UGT1A7: variants seen among roughly 807,000 people sequenced by gnomAD.
UGT1A7 encodes UDP glucuronosyltransferase family 1 member A7.
UGT1A7 carries 33 observed loss-of-function variants against 45.6 expected under a neutral mutation model. That is an observed-to-expected ratio of 0.72 (90% CI 0.55 to 0.97). The LOEUF is 0.97. UGT1A7 is among the 50% of genes least tolerant of loss of function. The pLI is 0.00. For synonymous variants in UGT1A7, 274 were observed against 250.6 expected, an observed-to-expected ratio of 1.09 and a Z score of -0.88; for missense variants, 684 against 666.2, an observed-to-expected ratio of 1.03 and a Z score of -0.29.
chr2:233,770,833 T>C (rs1328938186), intron 4 of UGT1A7: 1 of 152,206 alleles, frequency 6.6e-6, no homozygotes, highest in Non-Finnish European at 1.5e-5. Context: ...TGCATTGCTG[T>C]AAAGAAATAC....
intron 1 of UGT1A7, among the ~76,000 whole-genome samples, chr2:233,759,051 G>A (rs1697047727): frequency 6.6e-6 from 1 of 152,170 alleles, no homozygotes; most frequent in Non-Finnish European, 1.5e-5. Context: ...GTGAACAAAA[G>A]TTCTCTGAAA....
intron 1 of UGT1A7, chr2:233,712,893 T>G (rs2076259922): frequency 6.2e-7 from 1 of 1,605,864 alleles, no homozygotes; most frequent in East Asian, 2.2e-5. Flanking sequence ...ACATGTTGAT[T>G]TGCTAGGTGT....
At chr2:233,715,656 C>T (rs1272409868) in intron 1 of UGT1A7, among the ~76,000 whole-genome samples, 1 of 152,072 alleles carries the variant, frequency 6.6e-6, no homozygotes, top group Non-Finnish European at 1.5e-5. Context: ...CCTGTGGTCC[C>T]AGCTACTCGG....
chr2:233,711,999 G>A (rs746507163), intron 1 of UGT1A7, among the ~76,000 whole-genome samples: 2 of 152,198 alleles, frequency 1.3e-5, no homozygotes, highest in Non-Finnish European at 2.9e-5. Context: ...ATTCTGTTCT[G>A]GAGGAACCAT....
At chr2:233,715,060 A>AT (rs2076430472) in intron 1 of UGT1A7, among the ~76,000 whole-genome samples, 2 of 151,556 alleles carry the variant, frequency 1.3e-5, no homozygotes, top group African/African-American at 2.4e-5. Context: ...TTTTTTTTGT[A>AT]TTTTTTATGG....
intron 1 of UGT1A7, among the ~76,000 whole-genome samples, chr2:233,684,869 T>C (rs1424684348): frequency 6.6e-6 from 1 of 152,196 alleles, no homozygotes; most frequent in Non-Finnish European, 1.5e-5. Context: ...TCTTGTTTCA[T>C]ATGGGCAGGG....
At chr2:233,751,021 C>A (rs74787288) in intron 1 of UGT1A7, among the ~76,000 whole-genome samples, 1 of 151,772 alleles carries the variant, frequency 6.6e-6, no homozygotes, top group East Asian at 1.9e-4. Flanking sequence ...AATAGTAGAT[C>A]CAATAGCTTG....
intron 1 of UGT1A7, among the ~76,000 whole-genome samples, chr2:233,756,690 C>T (rs1266086020): frequency 6.6e-6 from 1 of 152,102 alleles, no homozygotes; most frequent in Non-Finnish European, 1.5e-5. Flanking sequence ...TATATAATGA[C>T]GATGAATTTT....
At chr2:233,751,583 A>G (rs1290710025) in intron 1 of UGT1A7, among the ~76,000 whole-genome samples, 1 of 152,192 alleles carries the variant, frequency 6.6e-6, no homozygotes, top group Non-Finnish European at 1.5e-5. Flanking sequence ...CATAATTCCC[A>G]TGTGTTAAGG....
At chr2:233,713,495 T>C (rs1332210670) in intron 1 of UGT1A7, 2 of 1,614,050 alleles carry the variant, frequency 1.2e-6, no homozygotes, top group African/African-American at 1.3e-5. Context: ...TGTCGATTCC[T>C]GCTGTGTTTT....
chr2:233,719,741 A>C, intron 1 of UGT1A7: 1 of 1,613,136 alleles, frequency 6.2e-7, no homozygotes, highest in Middle Eastern at 1.9e-4. Flanking sequence ...ACTTTTTAAA[A>C]AATGTATTTA....
At chr2:233,743,758 G>C (rs761738753) in intron 1 of UGT1A7, 2 of 1,367,326 alleles carry the variant, frequency 1.5e-6, no homozygotes, top group African/African-American at 1.5e-5. Flanking sequence ...ACAACACCTC[G>C]TAGGCCTCGG....
chr2:233,753,212 A>G (rs1264665367), intron 1 of UGT1A7: 1 of 152,196 alleles, frequency 6.6e-6, no homozygotes, highest in Non-Finnish European at 1.5e-5. Context: ...AGTCTGTCTT[A>G]TTTTGATACT....
intron 1 of UGT1A7, chr2:233,729,935 T>A (rs2077953750): frequency 6.2e-7 from 1 of 1,613,974 alleles, no homozygotes; most frequent in African/African-American, 1.3e-5. Context: ...AGGCCAATCA[T>A]GCCCAACATG....
intron 1 of UGT1A7, chr2:233,692,794 A>G: frequency 7.3e-7 from 1 of 1,378,838 alleles, no homozygotes; most frequent in Non-Finnish European, 9.4e-7. Context: ...GTGAAAGCTG[A>G]CACGGCCATA....
chr2:233,719,487 A>C lies in UGT1A7; in HGVS notation c.855+36695A>C, dbSNP rs138822211. The C allele has an allele frequency of 3.9e-4, 633 of 1,613,068 alleles. 2 individuals are homozygous for C. Among genetic ancestry groups the C allele is most frequent in the African/African-American group, 3.8e-3 (282 of 75,012 alleles). ...GCTCTACCCTCTGGCCCTGTCCTAC[A>C]TTTGCCATACTTTTTCTGCCCCTTA... On this transcript the variant is annotated intron_variant, in intron 1 of 4. Coordinates refer to ENST00000373426, the MANE Select transcript of UGT1A7 (RefSeq NM_019077.3).
At chr2:233,736,931 A>ACCTATAT (rs1358475189) in intron 1 of UGT1A7, among the ~76,000 whole-genome samples, 2 of 152,012 alleles carry the variant, frequency 1.3e-5, no homozygotes, top group Non-Finnish European at 2.9e-5. Context: ...AGGCGCACCC[A>ACCTATAT]CCTATATGAG....
At chr2:233,717,869 T>G in intron 1 of UGT1A7, 1 of 454,868 alleles carries the variant, frequency 2.2e-6, no homozygotes, top group South Asian at 1.6e-5. Context: ...TGGATTGACT[T>G]GGAGAAAAGC....
chr2:233,686,068 G>T (rs2074771450), intron 1 of UGT1A7, among the ~76,000 whole-genome samples: 1 of 152,140 alleles, frequency 6.6e-6, no homozygotes, highest in Non-Finnish European at 1.5e-5. Flanking sequence ...TCAGCAGAGG[G>T]TTCTGGGACA....
Sources: gnomAD v4.1 joint callset for allele counts (sites outside exome capture counted in the v4.1 genomes callset) on GRCh38, gnomAD v4.1.1 for gene constraint, MANE v1.5 for transcripts, NCBI Gene and HGNC (gene_info 2026-07-23, HGNC 2026-07-21) for gene names.